ZNF385D: variants seen among roughly 807,000 people sequenced by gnomAD.
ZNF385D encodes the protein zinc finger protein 659.
ZNF385D carries 15 observed loss-of-function variants against 35.8 expected under a neutral mutation model. The ratio of observed to expected loss-of-function variants is 0.42; its 90% CI spans 0.28 to 0.64. The LOEUF (loss-of-function observed/expected upper bound fraction) is 0.64. ZNF385D is among the 30% of genes least tolerant of loss of function. The pLI is 0.23. For synonymous variants in ZNF385D, 212 were observed against 186.8 expected (o/e 1.13, Z -1.10); for missense variants, 474 against 494.6 (o/e 0.96, Z 0.39).
chr3:21,487,586 A>G (rs1313745638), intron 4 of ZNF385D, among the ~76,000 whole-genome samples: 2 of 152,110 alleles, frequency 1.3e-5, no homozygotes, highest in Admixed American at 6.6e-5. Context: ...ATATAGTCAT[A>G]AAATGGAGAA....
chr3:21,767,225 G>A (rs1428706990), intron 3 of ZNF385D, among the ~76,000 whole-genome samples: 1 of 152,008 alleles, frequency 6.6e-6, no homozygotes, highest in East Asian at 1.9e-4. Flanking sequence ...CTTTAAACAA[G>A]ACTGAAGCTA....
At chr3:22,248,198 G>T (rs536046942) in intron 2 of ZNF385D, among the ~76,000 whole-genome samples, 1 of 152,228 alleles carries the variant, frequency 6.6e-6, no homozygotes, top group Admixed American at 6.5e-5. Flanking sequence ...CATTCACTTT[G>T]CTAAGGGGAA....
intron 2 of ZNF385D, among the ~76,000 whole-genome samples, chr3:22,221,509 T>G (rs982368266): frequency 1.3e-5 from 2 of 152,172 alleles, no homozygotes; most frequent in Admixed American, 6.6e-5. Context: ...CTGAAAATCT[T>G]CACTAATTTT....
intron 4 of ZNF385D, chr3:21,441,858 G>T (rs1701876969): frequency 2.5e-6 from 1 of 397,132 alleles, no homozygotes; most frequent in Non-Finnish European, 3.4e-6. Flanking sequence ...ATGTGACAAG[G>T]AGTTAAAAAT....
intron 3 of ZNF385D, among the ~76,000 whole-genome samples, chr3:22,011,740 T>C (rs1483282789): frequency 6.6e-6 from 1 of 152,126 alleles, no homozygotes; most frequent in Non-Finnish European, 1.5e-5. Context: ...GGGAAATTAT[T>C]ATTATCCCAT....
chr3:21,686,116 G>T (rs1264399395), intron 1 of ZNF385D, among the ~76,000 whole-genome samples: 1 of 152,040 alleles, frequency 6.6e-6, no homozygotes, highest in Non-Finnish European at 1.5e-5. Flanking sequence ...AGAGAAAAAA[G>T]AAATAGCACA....
chr3:22,156,820 G>T (rs1053809915), intron 3 of ZNF385D, among the ~76,000 whole-genome samples: 1 of 152,074 alleles, frequency 6.6e-6, no homozygotes, highest in African/African-American at 2.4e-5. Context: ...AGTACCCAAG[G>T]TGATTCTGAA....
At chr3:21,952,444 C>T (rs1047089565) in intron 3 of ZNF385D, among the ~76,000 whole-genome samples, 7 of 151,902 alleles carry the variant, frequency 4.6e-5, no homozygotes, top group Non-Finnish European at 4.4e-5. Flanking sequence ...AATTTTAAGC[C>T]ACAACCTGAT....
chr3:21,945,161 C>T (rs78421630), intron 3 of ZNF385D, among the ~76,000 whole-genome samples: 5 of 88,936 alleles, frequency 5.6e-5, no homozygotes, highest in African/African-American at 1.0e-4. Flanking sequence ...TATATACACA[C>T]ACATATATAT....
chr3:21,499,779 T>A (rs1044622286), intron 4 of ZNF385D, among the ~76,000 whole-genome samples: 4 of 152,168 alleles, frequency 2.6e-5, no homozygotes, highest in African/African-American at 4.8e-5. Flanking sequence ...TTGTGGGTAA[T>A]TGGTTTGAGC....
intron 3 of ZNF385D, among the ~76,000 whole-genome samples, chr3:22,072,274 T>C (rs1363221793): frequency 6.6e-6 from 1 of 152,088 alleles, no homozygotes; most frequent in Non-Finnish European, 1.5e-5. Flanking sequence ...GCGAAAGCCA[T>C]GTACAACAGA....
At chr3:21,679,815 C>T (rs2066844352) in intron 1 of ZNF385D, among the ~76,000 whole-genome samples, 1 of 152,064 alleles carries the variant, frequency 6.6e-6, no homozygotes, top group Non-Finnish European at 1.5e-5. Context: ...GTTAGTGAGG[C>T]AGCCTGTGAG....
intron 2 of ZNF385D, among the ~76,000 whole-genome samples, chr3:21,566,691 T>G (rs2063159734): frequency 6.6e-6 from 1 of 152,198 alleles, no homozygotes; most frequent in Non-Finnish European, 1.5e-5. Flanking sequence ...TTATCTGATT[T>G]TATTTAGGTA....
chr3:21,609,859 TAGAG>T (rs1575314035), intron 2 of ZNF385D, among the ~76,000 whole-genome samples: 1 of 152,138 alleles, frequency 6.6e-6, no homozygotes, highest in Non-Finnish European at 1.5e-5. Flanking sequence ...CAGAGAGAAA[TAGAG>T]AGGAGATAAA....
At position 21,968,613 on chromosome 3, in the gene ZNF385D, G is replaced by A. The variant is rs188229833; in HGVS notation, c.325+200204C>T. On this transcript the variant is annotated intron_variant, in intron 3 of 5. Transcript: ENST00000494108. ...CATACTTTATTTCTAGACACACCCT[G>A]GGCCAGAAAGGAACCCACTGTCTTG... Among the ~76,000 whole-genome samples, 229 of 152,204 alleles carry A rather than the reference G, an allele frequency of 1.5e-3. 4 individuals carry two copies. Among genetic ancestry groups the A allele is most frequent in the Admixed American group, 0.014 (220 of 15,286 alleles).
chr3:22,133,048 G>C (rs986300023), intron 3 of ZNF385D, among the ~76,000 whole-genome samples: 1 of 152,034 alleles, frequency 6.6e-6, no homozygotes, highest in Non-Finnish European at 1.5e-5. Flanking sequence ...AAAATTATAG[G>C]TATTTATGAA....
chr3:22,080,625 G>A lies in ZNF385D; in HGVS notation c.325+88192C>T, dbSNP rs140610106. 1.5e-3 allele frequency among the ~76,000 whole-genome samples: 223 copies of A among 151,454 alleles called. 1 individual carries two copies. The highest frequency in any genetic ancestry group is 4.9e-3 in the African/African-American group (202 of 41,306). On this transcript the variant is annotated intron_variant, in intron 3 of 5. Coordinates refer to the ZNF385D transcript ENST00000494108. ...TTTTATATACAAAATATACATTTCC[G>A]TATCCATTTTATATATGAAATACTT...
chr3:22,029,621 T>C (rs1421753054), intron 3 of ZNF385D, among the ~76,000 whole-genome samples: 1 of 152,248 alleles, frequency 6.6e-6, no homozygotes, highest in Admixed American at 6.5e-5. Context: ...ATATATACAC[T>C]TGTACTAAGA....
chr3:21,804,157 A>T (rs1167071146), intron 3 of ZNF385D, among the ~76,000 whole-genome samples: 1 of 152,224 alleles, frequency 6.6e-6, no homozygotes, highest in Non-Finnish European at 1.5e-5. Context: ...TCCACAAGAA[A>T]ACTATTTGGG....
Sources: gnomAD v4.1 joint callset for allele counts (sites outside exome capture counted in the v4.1 genomes callset) on GRCh38, gnomAD v4.1.1 for gene constraint, MANE v1.5 for transcripts, NCBI Gene and HGNC (gene_info 2026-07-23, HGNC 2026-07-21) for gene names.